Variants in PEX5 observed in about 807,000 individuals in gnomAD.
The protein encoded by PEX5 is peroxisomal biogenesis factor 5.
In PEX5, 52 loss-of-function variants were observed where a neutral mutation model predicts 82.9. The observed-to-expected ratio is 0.63, with a 90% CI of 0.50 to 0.79. The LOEUF (loss-of-function observed/expected upper bound fraction) is 0.79. PEX5 is among the 30% of genes least tolerant of loss of function. The pLI, the probability that PEX5 is intolerant of heterozygous loss-of-function variation, is 0.00. For missense variants in PEX5, 719 were observed against 815.2 expected (o/e 0.88, Z 1.44); for synonymous variants, 300 against 318.8 (o/e 0.94, Z 0.63).
chr12:7,197,658 C>T (rs142049681), intron 5 of PEX5, among the ~76,000 whole-genome samples: 2 of 151,628 alleles, frequency 1.3e-5, no homozygotes, highest in Non-Finnish European at 2.9e-5. Context: ...GATTTTGAGA[C>T]TACTTTGTTG....
intron 6 of PEX5, among the ~76,000 whole-genome samples, chr12:7,199,814 GCGGC>G (rs2136090425): frequency 2.1e-5 from 3 of 144,678 alleles, no homozygotes; most frequent in Admixed American, 1.4e-4. Context: ...TCTGGACGGG[GCGGC>G]TGGCCGGGCG....
downstream of PEX5, chr12:7,212,722 C>T (rs768025460): frequency 6.6e-6 from 1 of 152,292 alleles, no homozygotes; most frequent in Admixed American, 6.5e-5. Context: ...GGAGATCATA[C>T]TTCTCTGTAA....
chr12:7,196,133 TATTTC>T (rs1399377409), intron 5 of PEX5, among the ~76,000 whole-genome samples: 21 of 48,340 alleles, frequency 4.3e-4, no homozygotes, highest in Admixed American at 2.8e-3. Context: ...ATATATAATG[TATTTC>T]TTATTACATA....
Position 7,199,105 on chromosome 12 carries a change from C to T in PEX5, c.543C>T (p.Thr181=), listed in dbSNP as rs138205085. 75 of 1,582,058 alleles carry T rather than the reference C, an allele frequency of 4.7e-5. No homozygotes were observed. Among genetic ancestry groups the T allele is most frequent in the Non-Finnish European group, 5.9e-5 (68 of 1,157,006 alleles). Residue 181 remains threonine (T), a synonymous_variant, in exon 6 of 16, where the codon ACC becomes ACT. Coordinates refer to ENST00000675855, the MANE Select transcript of PEX5 (RefSeq NM_001351132.2). ...LWLGEPEGTA[T]DRWYDEYHPE... ...TGGGAGAACCTGAGGGAACAGCCAC[C>T]GATCGCTGGTGAGTTCAGATACCTC...
intron 9 of PEX5, 57 bp downstream of exon 9, chr12:7,202,761 G>A: frequency 8.8e-7 from 1 of 1,135,288 alleles, no homozygotes; most frequent in Non-Finnish European, 1.3e-6. Flanking sequence ...CTTGGAGTGA[G>A]TGGGTGTATG....
intron 17 of PEX5, among the ~76,000 whole-genome samples, chr12:7,217,579 C>T (rs1395087851): frequency 6.6e-6 from 1 of 152,226 alleles, no homozygotes; most frequent in East Asian, 1.9e-4. Flanking sequence ...CACACAATCT[C>T]ACTCCTGTCA....
At position 7,207,747 on chromosome 12, in the gene PEX5, C is replaced by T. The variant is rs1411761479; in HGVS notation, c.1055C>T (p.Pro352Leu). 3.1e-6 allele frequency: 5 copies of T among 1,614,094 alleles called. No individual in the cohort carries two copies. The highest frequency in any genetic ancestry group is 4.2e-6 in the Non-Finnish European group (5 of 1,179,998). ...CGGCGCCTTCAGGAGGGGGACCTGC[C>T]AAATGCTGTGCTGCTTTTTGAGGCA... is the stretch of plus-strand genomic sequence containing the variant. ...GLRRLQEGDL[P>L]NAVLLFEAAV... Residue 352 changes from proline to leucine, a missense_variant, in exon 11 of 16, where the codon CCA (proline) becomes CTA (leucine). Coordinates refer to ENST00000675855, the MANE Select transcript of PEX5 (RefSeq NM_001351132.2).
intron 10 of PEX5, among the ~76,000 whole-genome samples, chr12:7,204,997 T>A (rs930744793): frequency 6.6e-6 from 1 of 152,184 alleles, no homozygotes; most frequent in African/African-American, 2.4e-5. Context: ...AACTGAACCG[T>A]TACCTCACAC....
intron 6 of PEX5, 77 bp from the exon 7 acceptor site, chr12:7,201,674 C>T (rs1944063785): frequency 9.7e-7 from 1 of 1,029,934 alleles, no homozygotes; most frequent in Admixed American, 1.7e-5. Flanking sequence ...CTGTCATTGT[C>T]ATGGGCTAGG....
chr12:7,198,844 A>G (rs1472637603), intron 5 of PEX5, among the ~76,000 whole-genome samples, 167 bp from the exon 6 acceptor site: 1 of 152,114 alleles, frequency 6.6e-6, no homozygotes, highest in East Asian at 1.9e-4. Context: ...GGATGTTGAA[A>G]ATTTAGTACT....
At chr12:7,189,202 C>A (rs1254734342), upstream of PEX5, 1 of 152,206 alleles carries the variant, frequency 6.6e-6, no homozygotes, top group Non-Finnish European at 1.5e-5. Context: ...GCGGGGCAGG[C>A]CTAGGAGGCT....
rs752777267 is a variant in PEX5, at chr12:7,208,586, C to T, written c.1311C>T (p.Ala437=). The T allele has an allele frequency of 2.5e-6, 4 of 1,614,070 alleles. No individual in the cohort carries two copies. The highest frequency in any genetic ancestry group is 4.5e-5 in the East Asian group (2 of 44,878). Reference sequence around the variant, plus strand: ...GGCTGCGGTACACACCAGCCTATGCCCATCTGGTGACACCTGCTGAAGAAG... The same window carrying T: ...GGCTGCGGTACACACCAGCCTATGCTCATCTGGTGACACCTGCTGAAGAAG... The part of the protein sequence containing the change: ...RDWLRYTPAY[A]HLVTPAEEGA... The change falls in exon 13 of 16, where the codon GCC becomes GCT. Residue 437 remains alanine, a synonymous_variant. Transcript: ENST00000675855.
At chr12:7,217,248 T>C (rs373850843) in intron 17 of PEX5, among the ~76,000 whole-genome samples, 13 of 152,350 alleles carry the variant, frequency 8.5e-5, no homozygotes, top group East Asian at 5.8e-4. Flanking sequence ...TGGTTTGGGA[T>C]TTACCTTTTC....
chr12:7,204,847 C>T (rs1173375059), intron 10 of PEX5, among the ~76,000 whole-genome samples: 3 of 150,710 alleles, frequency 2.0e-5, no homozygotes, highest in Non-Finnish European at 3.0e-5. Flanking sequence ...ACACATAGAA[C>T]AATGTGACAA....
chr12:7,200,468 C>T lies in PEX5; in HGVS notation c.552-1283C>T, dbSNP rs759849243. ...CGATGGGCGGCCAGGCAGAGACGCTCCTCACTTCCCAGATGGGGTGGCGGC... is the reference window on the plus strand; with the variant it reads ...CGATGGGCGGCCAGGCAGAGACGCTTCTCACTTCCCAGATGGGGTGGCGGC... On this transcript the variant is annotated intron_variant, in intron 6 of 15. Transcript: ENST00000675855. 2.5e-4 allele frequency among the ~76,000 whole-genome samples: 38 copies of T among 152,212 alleles called. No homozygotes were observed. The East Asian group carries it at 7.0e-3, about 28-fold the overall frequency.
chr12:7,209,945 C>T, intron 15 of PEX5, 77 bp from the exon 16 acceptor site: 1 of 1,592,132 alleles, frequency 6.3e-7, no homozygotes, highest in Non-Finnish European at 8.6e-7. Context: ...CTAGCTTTCT[C>T]CCTCCCACTG....
intron 9 of PEX5, 73 bp downstream of exon 9, chr12:7,202,777 C>A: frequency 9.8e-7 from 1 of 1,020,726 alleles, no homozygotes; most frequent in Non-Finnish European, 1.6e-6. Flanking sequence ...GTATGAACAT[C>A]AAAGATGATG....
At chr12:7,200,892 G>A (rs1382592310) in intron 6 of PEX5, among the ~76,000 whole-genome samples, 2 of 150,142 alleles carry the variant, frequency 1.3e-5, no homozygotes, top group African/African-American at 2.5e-5. Flanking sequence ...AAGAGAGGGG[G>A]AGAGAGACCG....
rs931591428 is a variant in PEX5 at position 7,209,072 on chromosome 12, C to T, written c.1462C>T (p.Pro488Ser). The T allele has an allele frequency of 1.2e-6, 2 of 1,613,994 alleles. No homozygotes were observed. The highest frequency in any genetic ancestry group is 1.7e-6 in the Non-Finnish European group (2 of 1,179,918). The change falls in exon 14 of 16, where the codon CCT becomes TCT. Residue 488 changes from proline to serine, a missense_variant. By Grantham distance (74) the Pro-to-Ser change is moderately conservative. Coordinates refer to ENST00000675855, the MANE Select transcript of PEX5 (RefSeq NM_001351132.2). ...GCGGCTGGACCCTACCTCCATTGACCCTGATGTGCAGTGTGGCTTGGGAGT... is the reference window on the plus strand; with the variant it reads ...GCGGCTGGACCCTACCTCCATTGACTCTGATGTGCAGTGTGGCTTGGGAGT... ...AVRLDPTSID[P>S]DVQCGLGVLF...
Sources: allele counts gnomAD v4.1 joint callset (sites outside exome capture counted in the v4.1 genomes callset), GRCh38; gene constraint gnomAD v4.1.1; transcripts MANE v1.5; gene names NCBI Gene and HGNC (gene_info 2026-07-23, HGNC 2026-07-21).